NOL4: variants seen among roughly 807,000 people sequenced by gnomAD.
NOL4 encodes the protein nucleolar protein 4, also known as cancer/testis antigen 125.
In NOL4, 17 loss-of-function variants were observed where a neutral mutation model predicts 75.9. The ratio of observed to expected loss-of-function variants is 0.22; its 90% CI spans 0.15 to 0.34. The LOEUF (loss-of-function observed/expected upper bound fraction) is 0.34, where lower values mean the gene tolerates loss of function less well. Ranked by LOEUF, NOL4 falls within the 10% of genes least tolerant of loss-of-function variation. NOL4 has a pLI of 1.00. For synonymous variants in NOL4, 292 were observed against 289.9 expected (o/e 1.01, Z -0.07); for missense variants, 614 against 793.5 (o/e 0.77, Z 2.72).
chr18:33,855,459 A>C (rs2062795890), intron 10 of NOL4, among the ~76,000 whole-genome samples: 1 of 152,104 alleles, frequency 6.6e-6, no homozygotes, highest in Non-Finnish European at 1.5e-5. Flanking sequence ...GCTACTGAGA[A>C]GCACGGCTCT....
intron 6 of NOL4, among the ~76,000 whole-genome samples, chr18:33,978,209 T>C (rs1250933998): frequency 6.6e-6 from 1 of 152,198 alleles, no homozygotes; most frequent in Admixed American, 6.6e-5. Flanking sequence ...AAATTAATAT[T>C]TATTGAAAGA....
chr18:34,150,647 T>TA (rs1223089259), intron 1 of NOL4, among the ~76,000 whole-genome samples: 4 of 151,632 alleles, frequency 2.6e-5, no homozygotes, highest in African/African-American at 9.7e-5. Context: ...TCCTAGAAGA[T>TA]AAAATAAGAG....
At chr18:33,865,500 C>A (rs984253789) in intron 10 of NOL4, among the ~76,000 whole-genome samples, 1 of 151,900 alleles carries the variant, frequency 6.6e-6, no homozygotes, top group Non-Finnish European at 1.5e-5. Flanking sequence ...TGTCATACAC[C>A]CTCACATAAA....
At chr18:34,196,666 T>C (rs2035351045) in intron 1 of NOL4, among the ~76,000 whole-genome samples, 1 of 152,228 alleles carries the variant, frequency 6.6e-6, no homozygotes, top group East Asian at 1.9e-4. Context: ...ATGGAAAGAT[T>C]ACTTGGCATT....
intron 6 of NOL4, among the ~76,000 whole-genome samples, 174 bp from the exon 7 acceptor site, chr18:33,958,592 A>G (rs1356497339): frequency 6.6e-6 from 1 of 152,114 alleles, no homozygotes; most frequent in Non-Finnish European, 1.5e-5. Context: ...TTAAAATTTC[A>G]TTTCCTTGGT....
rs1437280713 is a variant in NOL4 at position 34,194,421 on chromosome 18, A to AGGGG, written c.264+28568_264+28569insCCCC. 6.0e-5 allele frequency among the ~76,000 whole-genome samples: 7 copies of AGGGG among 116,384 alleles called. No individual in the cohort carries two copies. The East Asian group carries it at 1.7e-3, about 28-fold the overall frequency. The allele number at this position is 116,384 out of a possible 152,430, so 76.4% of individuals were successfully genotyped here. On this transcript the variant is annotated intron_variant, in intron 1 of 10. Transcript: ENST00000261592. ...TTAGGAAAAAGGTAGGGAAGGAGGGAGGGAGGGAAGGAAGGAAGGAAGGAA... is the reference window on the plus strand; with the variant it reads ...TTAGGAAAAAGGTAGGGAAGGAGGGAGGGGGGGAGGGAAGGAAGGAAGGAAGGAA...
At chr18:34,106,975 T>G (rs1206126105) in intron 2 of NOL4, among the ~76,000 whole-genome samples, 1 of 152,160 alleles carries the variant, frequency 6.6e-6, no homozygotes, top group Non-Finnish European at 1.5e-5. Flanking sequence ...AAAGGCTCCA[T>G]TGGTTTTTCT....
chr18:34,172,292 C>T (rs559674036), intron 1 of NOL4, among the ~76,000 whole-genome samples: 7 of 152,154 alleles, frequency 4.6e-5, no homozygotes, highest in African/African-American at 1.7e-4. Context: ...AACTGAATCA[C>T]CCAGCTTTAA....
intron 5 of NOL4, among the ~76,000 whole-genome samples, chr18:34,092,641 T>C (rs1172823299): frequency 6.6e-6 from 1 of 152,180 alleles, no homozygotes; most frequent in African/African-American, 2.4e-5. Context: ...AATCAAAAAG[T>C]TCATATGAAC....
At chr18:33,938,628 G>A (rs2068240672) in intron 9 of NOL4, among the ~76,000 whole-genome samples, 1 of 151,660 alleles carries the variant, frequency 6.6e-6, no homozygotes, top group Non-Finnish European at 1.5e-5. Flanking sequence ...TGATGAGGTT[G>A]TTTTTTCTCG....
At chr18:34,117,280 T>C (rs2079905613) in intron 2 of NOL4, among the ~76,000 whole-genome samples, 1 of 152,190 alleles carries the variant, frequency 6.6e-6, no homozygotes, top group Non-Finnish European at 1.5e-5. Context: ...GCCAATTATG[T>C]ACAAGAGACA....
intron 8 of NOL4, among the ~76,000 whole-genome samples, chr18:33,943,679 A>G (rs1237136735): frequency 1.3e-5 from 2 of 151,818 alleles, no homozygotes; most frequent in East Asian, 3.9e-4. Flanking sequence ...ATGTGATTAC[A>G]ATGGTTTTAA....
intron 9 of NOL4, among the ~76,000 whole-genome samples, chr18:33,904,688 A>T (rs528654395): frequency 1.3e-5 from 2 of 152,294 alleles, no homozygotes; most frequent in East Asian, 3.9e-4. Context: ...AAATACTCAT[A>T]GATTCTCCTA....
chr18:33,944,308 T>C (rs988600345), intron 8 of NOL4, among the ~76,000 whole-genome samples: 9 of 152,036 alleles, frequency 5.9e-5, no homozygotes, highest in Middle Eastern at 3.4e-3. Context: ...AACTCTGGCA[T>C]GTAGAGTGTG....
At chr18:33,853,344 C>T (rs1302033292) in intron 10 of NOL4, among the ~76,000 whole-genome samples, 1 of 152,044 alleles carries the variant, frequency 6.6e-6, no homozygotes, top group Non-Finnish European at 1.5e-5. Context: ...AATCTGTCTT[C>T]CATATGTTGT....
chr18:33,942,576 A>C (rs180713030), intron 9 of NOL4, among the ~76,000 whole-genome samples: 1 of 152,074 alleles, frequency 6.6e-6, no homozygotes, highest in African/African-American at 2.4e-5. Context: ...ATGAATTTTC[A>C]TTATGTATAT....
At chr18:34,144,894 C>T (rs369286652) in intron 1 of NOL4, among the ~76,000 whole-genome samples, 1 of 152,046 alleles carries the variant, frequency 6.6e-6, no homozygotes, top group Non-Finnish European at 1.5e-5. Flanking sequence ...TTCTGAGTTT[C>T]AAATTCAACT....
chr18:34,203,717 T>TCTCTCTCTCTCACACACACACA (rs1261546835), intron 1 of NOL4, among the ~76,000 whole-genome samples: 2 of 72,302 alleles, frequency 2.8e-5, no homozygotes, highest in African/African-American at 9.9e-5. Flanking sequence ...TCTCTCTCTC[T>TCTCTCTCTCTCACACACACACA]CACACACACA....
chr18:33,881,718 T>C (rs756570364), intron 10 of NOL4, among the ~76,000 whole-genome samples: 13 of 152,112 alleles, frequency 8.5e-5, no homozygotes, highest in Non-Finnish European at 1.3e-4. Context: ...AAAGTTCATA[T>C]GGAACCAAAA....
Sources: gnomAD v4.1 joint callset for allele counts (sites outside exome capture counted in the v4.1 genomes callset) on GRCh38, gnomAD v4.1.1 for gene constraint, MANE v1.5 for transcripts, NCBI Gene and HGNC (gene_info 2026-07-23, HGNC 2026-07-21) for gene names.